Variants in SLC35F1 observed in about 807,000 individuals in gnomAD.
SLC35F1 encodes solute carrier family 35 member F1.
SLC35F1 carries 14 observed loss-of-function variants against 48.7 expected under a neutral mutation model. The observed-to-expected ratio is 0.29, with a 90% CI of 0.19 to 0.45. The LOEUF is 0.45. Ranked by LOEUF, SLC35F1 falls within the 20% of genes least tolerant of loss-of-function variation. The probability of loss-of-function intolerance (pLI) is 1.00; values close to 1 mark genes in which losing one functional copy is unlikely to be tolerated. For synonymous variants in SLC35F1, 190 were observed against 202.2 expected, an observed-to-expected ratio of 0.94 and a Z score of 0.51; for missense variants, 404 against 500.0, an observed-to-expected ratio of 0.81 and a Z score of 1.83.
intron 4 of SLC35F1, among the ~76,000 whole-genome samples, chr6:118,272,086 G>C (rs764636119): frequency 1.3e-5 from 2 of 152,188 alleles, no homozygotes; most frequent in Non-Finnish European, 2.9e-5. Context: ...ATTAAGACTT[G>C]TTCAGTCAGC....
intron 1 of SLC35F1, among the ~76,000 whole-genome samples, chr6:117,977,361 G>C (rs902448753): frequency 2.2e-4 from 33 of 151,588 alleles, no homozygotes; most frequent in African/African-American, 8.0e-4. Context: ...TTTCTAGAAA[G>C]GTTTTTTAAA....
At chr6:118,127,943 A>T (rs934661242) in intron 1 of SLC35F1, among the ~76,000 whole-genome samples, 2 of 152,188 alleles carry the variant, frequency 1.3e-5, no homozygotes, top group African/African-American at 2.4e-5. Context: ...GAATCTACAA[A>T]GAACTGAAAC....
chr6:117,986,900 C>T (rs933664366), intron 1 of SLC35F1, among the ~76,000 whole-genome samples: 3 of 152,250 alleles, frequency 2.0e-5, no homozygotes, highest in African/African-American at 7.2e-5. Flanking sequence ...AGTTCAGTTC[C>T]TTATCTATCA....
At chr6:118,096,370 G>A (rs1773176457) in intron 1 of SLC35F1, among the ~76,000 whole-genome samples, 1 of 152,154 alleles carries the variant, frequency 6.6e-6, no homozygotes, top group Admixed American at 6.5e-5. Context: ...GTTAAAAAGA[G>A]TAAAGCCACT....
intron 1 of SLC35F1, among the ~76,000 whole-genome samples, chr6:117,944,592 T>TACACACACACACACAC (rs60520269): frequency 7.4e-6 from 1 of 135,900 alleles, no homozygotes; most frequent in African/African-American, 2.7e-5. Flanking sequence ...CACATACACA[T>TACACACACACACACAC]ACACACACAC....
chr6:118,262,141 C>A (rs1775720804), intron 3 of SLC35F1, among the ~76,000 whole-genome samples: 1 of 152,026 alleles, frequency 6.6e-6, no homozygotes, highest in African/African-American at 2.4e-5. Context: ...AGCTTCATGA[C>A]CGTGTTTGAG....
chr6:118,234,267 G>A (rs189788991), intron 2 of SLC35F1, among the ~76,000 whole-genome samples: 9 of 152,262 alleles, frequency 5.9e-5, no homozygotes, highest in Admixed American at 5.9e-4. Context: ...TTGAATGTGG[G>A]CTGGACTTAT....
intron 2 of SLC35F1, among the ~76,000 whole-genome samples, chr6:118,170,018 T>TA (rs1355762747): frequency 6.6e-6 from 1 of 152,250 alleles, no homozygotes; most frequent in African/African-American, 2.4e-5. Context: ...GAGTGTCTTC[T>TA]AAAACGCAGG....
At chr6:118,138,908 A>T (rs938694520) in intron 1 of SLC35F1, among the ~76,000 whole-genome samples, 7 of 152,116 alleles carry the variant, frequency 4.6e-5, no homozygotes, top group Non-Finnish European at 1.0e-4. Context: ...TAGGTGCATC[A>T]TATCAGTTCA....
rs535084527 is a variant in SLC35F1 at position 117,987,285 on chromosome 6, C to A, written c.173+79386C>A. ...TCAAGTAATGTAAGTCTTCTAGTTT[C>A]CTTCTTTCCCTTCTTTTTTTTTTCT... On this transcript the variant is annotated intron_variant, in intron 1 of 7. Transcript: ENST00000360388. 1.3e-4 allele frequency among the ~76,000 whole-genome samples: 17 copies of A among 131,420 alleles called. No homozygotes were observed. The East Asian group carries it at 4.1e-3, about 32-fold the overall frequency. 86.2% of individuals were successfully genotyped at this position (131,420 alleles called of 152,430 possible).
chr6:117,977,220 G>A (rs1269650127), intron 1 of SLC35F1, among the ~76,000 whole-genome samples: 5 of 145,430 alleles, frequency 3.4e-5, no homozygotes, highest in Non-Finnish European at 6.0e-5. Flanking sequence ...TTTTTGAGAC[G>A]GAGTCTCTCT....
intron 7 of SLC35F1, among the ~76,000 whole-genome samples, chr6:118,288,542 G>C (rs1482967327): frequency 2.0e-5 from 3 of 152,278 alleles, no homozygotes; most frequent in East Asian, 1.9e-4. Flanking sequence ...TTACCATAAG[G>C]GGTTGTGAAG....
chr6:118,194,368 A>G (rs1265527650), intron 2 of SLC35F1, among the ~76,000 whole-genome samples: 2 of 152,340 alleles, frequency 1.3e-5, no homozygotes, highest in East Asian at 1.9e-4. Context: ...TTCAACCTGG[A>G]CCACCATTGT....
chr6:117,949,551 T>C (rs919792102), intron 1 of SLC35F1, among the ~76,000 whole-genome samples: 1 of 152,136 alleles, frequency 6.6e-6, no homozygotes, highest in Non-Finnish European at 1.5e-5. Context: ...GAGACGCCCT[T>C]GTGACCCTTT....
At chr6:117,923,712 T>TGTGTAC (rs1562238884) in intron 1 of SLC35F1, among the ~76,000 whole-genome samples, 1 of 20,164 alleles carries the variant, frequency 5.0e-5, no homozygotes, top group Non-Finnish European at 1.2e-4. Context: ...TATATGTACA[T>TGTGTAC]ATATACATAT....
chr6:117,966,187 C>G (rs1776566818), intron 1 of SLC35F1, among the ~76,000 whole-genome samples: 2 of 145,424 alleles, frequency 1.4e-5, no homozygotes, highest in Non-Finnish European at 3.0e-5. Context: ...GCTGGGGTCC[C>G]TGTCCATGCT....
intron 2 of SLC35F1, among the ~76,000 whole-genome samples, chr6:118,215,130 G>C (rs1235351765): frequency 1.3e-5 from 2 of 152,030 alleles, no homozygotes; most frequent in Non-Finnish European, 2.9e-5. Context: ...AGTGGACTTT[G>C]AGTTAGGAGT....
At chr6:117,994,322 C>T (rs1776958041) in intron 1 of SLC35F1, among the ~76,000 whole-genome samples, 1 of 152,180 alleles carries the variant, frequency 6.6e-6, no homozygotes, top group African/African-American at 2.4e-5. Flanking sequence ...TTAAGAGCTC[C>T]TGTGATTAGG....
intron 1 of SLC35F1, among the ~76,000 whole-genome samples, chr6:118,032,172 G>A (rs369437093): frequency 1.3e-5 from 2 of 151,874 alleles, no homozygotes. Flanking sequence ...TCTTTCTTTG[G>A]TTATTCATCT....
Sources: allele counts gnomAD v4.1 joint callset (sites outside exome capture counted in the v4.1 genomes callset), GRCh38; gene constraint gnomAD v4.1.1; transcripts MANE v1.5; gene names NCBI Gene and HGNC (gene_info 2026-07-23, HGNC 2026-07-21).